The following EFCAB14 variants were observed in gnomAD, a reference collection of about 807,000 sequenced individuals.
EFCAB14 encodes the protein EF-hand calcium-binding domain-containing protein 14.
Under a neutral mutation model 56.5 loss-of-function variants are expected in EFCAB14, and 43 were observed. The ratio of observed to expected loss-of-function variants is 0.76; its 90% CI spans 0.60 to 0.98. The LOEUF is 0.98. Ranked by LOEUF, EFCAB14 falls within the 50% of genes least tolerant of loss-of-function variation. The pLI, the probability that EFCAB14 is intolerant of heterozygous loss-of-function variation, is 0.00. For missense variants in EFCAB14, 538 were observed against 580.3 expected, an observed-to-expected ratio of 0.93 and a Z score of 0.75; for synonymous variants, 235 against 212.9, an observed-to-expected ratio of 1.10 and a Z score of -0.90.
intron 3 of EFCAB14, among the ~76,000 whole-genome samples, chr1:46,700,986 A>AGTGTGTGTGTGTGTGTGTGTGT (rs3991763): frequency 2.1e-5 from 3 of 142,940 alleles, no homozygotes; most frequent in South Asian, 2.3e-4. Flanking sequence ...AGAGTGAGTG[A>AGTGTGTGTGTGTGTGTGTGTGT]GTGTGTGTGT....
intron 3 of EFCAB14, among the ~76,000 whole-genome samples, chr1:46,706,416 C>G (rs2148849008): frequency 6.6e-6 from 1 of 152,292 alleles, no homozygotes; most frequent in South Asian, 2.1e-4. Context: ...TGTGTTTTCT[C>G]CCACCATGTA....
intron 3 of EFCAB14, among the ~76,000 whole-genome samples, chr1:46,702,205 T>A (rs906595536): frequency 2.0e-5 from 3 of 152,220 alleles, no homozygotes; most frequent in African/African-American, 7.2e-5. Context: ...AGTAGACCAT[T>A]TGCTTAATAC....
At chr1:46,696,419 T>A in intron 4 of EFCAB14, 132 bp downstream of exon 4, 1 of 852,340 alleles carries the variant, frequency 1.2e-6, no homozygotes, top group Non-Finnish European at 1.9e-6. Flanking sequence ...ACTCCATTAC[T>A]GCCCTCTTGG....
At chr1:46,717,661 C>T (rs927904022) in intron 1 of EFCAB14, among the ~76,000 whole-genome samples, 3 of 152,204 alleles carry the variant, frequency 2.0e-5, no homozygotes, top group Admixed American at 6.5e-5. Flanking sequence ...GCACATTCTC[C>T]AAGTCCACAT....
intron 4 of EFCAB14, 64 bp from the exon 5 acceptor site, chr1:46,692,001 G>C (rs1677000579): frequency 8.7e-7 from 1 of 1,152,360 alleles, no homozygotes; most frequent in East Asian, 2.5e-5. Context: ...GCAATAAACT[G>C]TACATATTCA....
chr1:46,703,344 G>A (rs916371351), intron 3 of EFCAB14, among the ~76,000 whole-genome samples: 11 of 152,078 alleles, frequency 7.2e-5, no homozygotes, highest in East Asian at 1.9e-4. Context: ...TCCTGACCTC[G>A]TGATCCACCC....
chr1:46,688,431 G>A lies in EFCAB14; in HGVS notation c.909C>T (p.Thr303=). The change falls in exon 7 of 11, where the codon ACC becomes ACT. Residue 303 remains threonine, a synonymous_variant. Transcript: ENST00000371933. ...CGCTTTCTATCAGGTTGACTCTCTGGGTAAGATTACTGACTGTCTCGTTCA... is the reference window on the plus strand; with the variant it reads ...CGCTTTCTATCAGGTTGACTCTCTGAGTAAGATTACTGACTGTCTCGTTCA... ...EGMNETVSNL[T]QRVNLIESDV... 6.2e-7 allele frequency: 1 copy of A among 1,613,902 alleles called. No individual in the cohort carries two copies. Among genetic ancestry groups the A allele is most frequent in the Non-Finnish European group, 8.5e-7 (1 of 1,179,910 alleles).
At chr1:46,688,571 G>T (rs756706937) in intron 6 of EFCAB14, 27 bp from the exon 7 acceptor site, 9 of 1,599,832 alleles carry the variant, frequency 5.6e-6, no homozygotes, top group African/African-American at 1.3e-5. Flanking sequence ...TAAAGTTATG[G>T]AATCCACTAA....
At chr1:46,702,016 T>C (rs553166131) in intron 3 of EFCAB14, among the ~76,000 whole-genome samples, 2 of 152,260 alleles carry the variant, frequency 1.3e-5, no homozygotes, top group African/African-American at 4.8e-5. Context: ...CTCTAACAGA[T>C]GCATTCTAGA....
At chr1:46,701,240 G>A (rs904678988) in intron 3 of EFCAB14, among the ~76,000 whole-genome samples, 5 of 152,046 alleles carry the variant, frequency 3.3e-5, no homozygotes, top group African/African-American at 9.7e-5. Flanking sequence ...ATGCCCTCAC[G>A]GGGCTTTCTG....
chr1:46,716,318 G>C lies in EFCAB14; in HGVS notation c.311C>G (p.Ala104Gly), dbSNP rs1287815478. The C allele has an allele frequency of 1.2e-6, 2 of 1,610,308 alleles. No homozygotes were observed. Among genetic ancestry groups the C allele is most frequent in the Non-Finnish European group, 1.7e-6 (2 of 1,179,024 alleles). Residue 104 changes from alanine to glycine, a missense_variant, in exon 2 of 11, where the codon GCC becomes GGC. Coordinates refer to ENST00000371933, the MANE Select transcript of EFCAB14 (RefSeq NM_014774.3). Reference sequence around the variant, plus strand: ...ACTTGTTCGAAATTTTTCCTTGAGGGCATCCAGATCCTCCTTGAGAGCAAC... The same window carrying C: ...ACTTGTTCGAAATTTTTCCTTGAGGCCATCCAGATCCTCCTTGAGAGCAAC... ...MQVALKEDLD[A>G]LKEKFRTMES...
intron 2 of EFCAB14, among the ~76,000 whole-genome samples, chr1:46,709,308 C>T (rs758429383): frequency 6.6e-6 from 1 of 152,200 alleles, no homozygotes; most frequent in Non-Finnish European, 1.5e-5. Flanking sequence ...ACACACTAAC[C>T]TTTGAAGCCT....
chr1:46,707,661 T>C (rs184955825), intron 3 of EFCAB14, among the ~76,000 whole-genome samples: 2 of 152,364 alleles, frequency 1.3e-5, no homozygotes, highest in African/African-American at 4.8e-5. Flanking sequence ...CAACTTTCTC[T>C]CAACTGCTGT....
At chr1:46,715,604 G>C (rs1480600911) in intron 2 of EFCAB14, among the ~76,000 whole-genome samples, 1 of 151,984 alleles carries the variant, frequency 6.6e-6, no homozygotes, top group East Asian at 1.9e-4. Context: ...GAATAGCCCA[G>C]TGTTGTCATT....
At chr1:46,716,248 C>CAAAAAA in intron 2 of EFCAB14, 47 bp downstream of exon 2, 12 of 1,053,862 alleles carry the variant, frequency 1.1e-5, no homozygotes, top group South Asian at 4.9e-5. Context: ...GACCCTGTCT[C>CAAAAAA]AAAAAAAAAA....
chr1:46,690,014 A>G, intron 5 of EFCAB14, among the ~76,000 whole-genome samples: 1 of 152,202 alleles, frequency 6.6e-6, no homozygotes, highest in East Asian at 1.9e-4. Flanking sequence ...GAGAAACTAT[A>G]GCATCACTGT....
chr1:46,682,110 C>T (rs1676805233), intron 10 of EFCAB14: 3 of 152,302 alleles, frequency 2.0e-5, no homozygotes, highest in Admixed American at 2.0e-4. Context: ...GTACCAGGTA[C>T]TGTGCTAGGG....
At chr1:46,691,195 T>G (rs1037948004) in intron 5 of EFCAB14, among the ~76,000 whole-genome samples, 28 of 152,206 alleles carry the variant, frequency 1.8e-4, no homozygotes, top group African/African-American at 4.8e-4. Flanking sequence ...TTCTGTCAGT[T>G]ATCTGTTGCT....
At chr1:46,715,925 T>C (rs1161875616) in intron 2 of EFCAB14, among the ~76,000 whole-genome samples, 1 of 152,070 alleles carries the variant, frequency 6.6e-6, no homozygotes, top group Non-Finnish European at 1.5e-5. Flanking sequence ...TCCCAGAACC[T>C]GGAAAGGAGT....
Sources: gnomAD v4.1 joint callset for allele counts (sites outside exome capture counted in the v4.1 genomes callset) on GRCh38, gnomAD v4.1.1 for gene constraint, MANE v1.5 for transcripts, NCBI Gene and HGNC (gene_info 2026-07-23, HGNC 2026-07-21) for gene names.